The following SH3RF2 variants were observed in gnomAD, a reference collection of about 807,000 sequenced individuals.
SH3RF2 encodes the protein SH3 domain containing ring finger 2.
In SH3RF2, 43 loss-of-function variants were observed where a neutral mutation model predicts 59.0. The ratio of observed to expected loss-of-function variants is 0.73; its 90% CI spans 0.57 to 0.94. The LOEUF (loss-of-function observed/expected upper bound fraction) is 0.94, where lower values mean the gene tolerates loss of function less well. Ranked by LOEUF, SH3RF2 falls within the 40% of genes least tolerant of loss-of-function variation. SH3RF2 has a pLI of 0.00. For missense variants in SH3RF2, 930 were observed against 940.1 expected (o/e 0.99, Z 0.14); for synonymous variants, 391 against 391.5 (o/e 1.00, Z 0.01).
At chr5:146,017,814 C>T (rs1042544455) in intron 5 of SH3RF2, among the ~76,000 whole-genome samples, 3 of 152,094 alleles carry the variant, frequency 2.0e-5, no homozygotes, top group African/African-American at 4.8e-5. Context: ...TCAATCACTT[C>T]GCCTCACCCC....
In SH3RF2 at chr5:146,002,139, A is replaced by T. The variant is rs1014838603; in HGVS notation, c.648+1812A>T. Among the ~76,000 whole-genome samples the T allele has an allele frequency of 5.9e-4, 90 of 152,334 alleles. 1 individual carries two copies. The highest frequency in any genetic ancestry group is 2.0e-3 in the African/African-American group (85 of 41,584). On this transcript the variant is annotated intron_variant, in intron 3 of 9. Transcript: ENST00000359120. Reference sequence around the variant, plus strand: ...GCACACATGAAGTTTATAGTCAGATAGGGTAGACCGACATTAAAGAAATAA... The same window carrying T: ...GCACACATGAAGTTTATAGTCAGATTGGGTAGACCGACATTAAAGAAATAA...
chr5:146,044,150 T>G (rs1762223417), intron 5 of SH3RF2, among the ~76,000 whole-genome samples: 1 of 59,600 alleles, frequency 1.7e-5, no homozygotes, highest in Non-Finnish European at 4.2e-5. Context: ...TTTTTTTTTG[T>G]TTTTTTTTTT....
At chr5:146,014,252 G>A (rs998564600) in intron 5 of SH3RF2, among the ~76,000 whole-genome samples, 191 bp downstream of exon 5, 4 of 152,174 alleles carry the variant, frequency 2.6e-5, no homozygotes, top group Non-Finnish European at 5.9e-5. Flanking sequence ...TGTGAGTTAG[G>A]TGTTATTACT....
chr5:146,064,583 G>GGC (rs1561772877), downstream of SH3RF2, among the ~76,000 whole-genome samples: 1 of 8,432 alleles, frequency 1.2e-4, no homozygotes. Context: ...AAGGAAGGAA[G>GGC]GGGGAGAGAG....
At chr5:146,033,618 G>A (rs571916314) in intron 5 of SH3RF2, among the ~76,000 whole-genome samples, 6 of 151,516 alleles carry the variant, frequency 4.0e-5, no homozygotes, top group Non-Finnish European at 7.4e-5. Context: ...TTACAGGCAC[G>A]CACCACCACG....
chr5:146,072,147 C>T (rs900844685), intron 9 of SH3RF2, among the ~76,000 whole-genome samples: 2 of 152,332 alleles, frequency 1.3e-5, no homozygotes, highest in South Asian at 2.1e-4. Context: ...CCTGACCCCA[C>T]TTGTCAGCTA....
chr5:145,946,801 T>C (rs1332735855), intron 2 of SH3RF2, among the ~76,000 whole-genome samples: 1 of 152,148 alleles, frequency 6.6e-6, no homozygotes, highest in Non-Finnish European at 1.5e-5. Context: ...GGGATACCAG[T>C]GACAGAAAGG....
At chr5:146,066,809 T>C (rs922580861), downstream of SH3RF2, among the ~76,000 whole-genome samples, 4 of 152,174 alleles carry the variant, frequency 2.6e-5, no homozygotes, top group Non-Finnish European at 4.4e-5. Flanking sequence ...CCCTCAAGTC[T>C]GAAGGTGAAA....
intron 5 of SH3RF2, among the ~76,000 whole-genome samples, chr5:146,016,506 C>T (rs1761113304): frequency 6.6e-6 from 1 of 152,138 alleles, no homozygotes; most frequent in African/African-American, 2.4e-5. Context: ...TAAGCCTCCC[C>T]TCCATTCTAA....
chr5:146,049,844 CCT>C (rs1790717749), intron 7 of SH3RF2, among the ~76,000 whole-genome samples: 1 of 152,044 alleles, frequency 6.6e-6, no homozygotes, highest in South Asian at 2.1e-4. Context: ...TCATTGACCC[CCT>C]CTTTGTCTTA....
rs148276849 is a variant in SH3RF2 at position 145,984,576 on chromosome 5, A to G, written c.379-15482A>G. On this transcript the variant is annotated intron_variant, in intron 2 of 9. Coordinates refer to ENST00000359120, the MANE Select transcript of SH3RF2 (RefSeq NM_152550.4). ...TGCAAATAACTTCTATAACTTACCC[A>G]TCAGTGATCTTTCCCATTTCTTGGA... Among the ~76,000 whole-genome samples the G allele has an allele frequency of 2.1e-3, 318 of 152,336 alleles. 3 individuals carry two copies. The highest frequency in any genetic ancestry group is 7.5e-3 in the African/African-American group (310 of 41,574).
At chr5:146,012,929 T>C (rs947908288) in intron 4 of SH3RF2, among the ~76,000 whole-genome samples, 7 of 152,100 alleles carry the variant, frequency 4.6e-5, no homozygotes, top group African/African-American at 1.7e-4. Context: ...ATTGGTGGCT[T>C]GAAAAACTCC....
chr5:146,041,767 A>C (rs1762134821), intron 5 of SH3RF2, among the ~76,000 whole-genome samples: 1 of 152,004 alleles, frequency 6.6e-6, no homozygotes, highest in Non-Finnish European at 1.5e-5. Context: ...CCATTTCTAC[A>C]AAAAATACAA....
At chr5:146,045,537 T>C (rs1561760222) in intron 5 of SH3RF2, among the ~76,000 whole-genome samples, 2 of 152,250 alleles carry the variant, frequency 1.3e-5, no homozygotes, top group Middle Eastern at 3.2e-3. Context: ...TCTCTGTAGA[T>C]TGACTTATTC....
chr5:145,939,836 A>G (rs2149937166), intron 2 of SH3RF2, among the ~76,000 whole-genome samples: 1 of 152,284 alleles, frequency 6.6e-6, no homozygotes, highest in African/African-American at 2.4e-5. Context: ...CACCTTGCAG[A>G]AGTCTGACCT....
At chr5:146,062,352 C>G (rs1580943560) in intron 9 of SH3RF2, 74 bp from the exon 10 acceptor site, 1 of 1,537,506 alleles carries the variant, frequency 6.5e-7, no homozygotes, top group East Asian at 2.3e-5. Flanking sequence ...TGAGACATTT[C>G]AAGTGGGGAC....
rs548469495 is a variant in SH3RF2 at position 145,967,166 on chromosome 5, G to T, written c.378+28860G>T. On this transcript the variant is annotated intron_variant, in intron 2 of 9. Transcript: ENST00000359120. ...TATTAGAACAGAAATCCTAGTATGA[G>T]TTGGAGGCTGTTTAAAGTTACCGTT... Among the ~76,000 whole-genome samples the T allele has an allele frequency of 4.1e-4, 63 of 152,334 alleles. No individual in the cohort carries two copies. In the South Asian group the frequency reaches 5.4e-3, roughly 13 times the overall value.
At chr5:146,062,239 C>A (rs1762921982) in intron 9 of SH3RF2, among the ~76,000 whole-genome samples, 187 bp from the exon 10 acceptor site, 1 of 152,196 alleles carries the variant, frequency 6.6e-6, no homozygotes, top group Non-Finnish European at 1.5e-5. Flanking sequence ...CCACTTCCAG[C>A]TGAAGTTAGA....
At chr5:146,056,722 C>T (rs1437852850) in intron 8 of SH3RF2, among the ~76,000 whole-genome samples, 3 of 152,184 alleles carry the variant, frequency 2.0e-5, no homozygotes, top group Non-Finnish European at 2.9e-5. Context: ...TTACAGTATA[C>T]GAACTGGACA....
Sources: allele counts gnomAD v4.1 joint callset (sites outside exome capture counted in the v4.1 genomes callset), GRCh38; gene constraint gnomAD v4.1.1; transcripts MANE v1.5; gene names NCBI Gene and HGNC (gene_info 2026-07-23, HGNC 2026-07-21).